The following SLC2A9 variants were observed in gnomAD, a reference collection of about 807,000 sequenced individuals.
SLC2A9 encodes solute carrier family 2, facilitated glucose transporter member 9.
A neutral mutation model predicts 50.6 loss-of-function variants in SLC2A9; 39 were observed. That is an observed-to-expected ratio of 0.77 (90% confidence interval 0.60 to 1.01). The LOEUF (loss-of-function observed/expected upper bound fraction) is 1.01. SLC2A9 is among the 50% of genes least tolerant of loss of function. The pLI is 0.00. For missense variants in SLC2A9, 686 were observed against 677.6 expected (o/e 1.01, Z -0.14); for synonymous variants, 324 against 276.9 (o/e 1.17, Z -1.69).
chr4:9,944,273 T>C (rs1275084447), intron 5 of SLC2A9, among the ~76,000 whole-genome samples: 1 of 152,230 alleles, frequency 6.6e-6, no homozygotes, highest in Non-Finnish European at 1.5e-5. Context: ...CTCTTGGACT[T>C]GGCTTGAGGA....
At chr4:9,821,229 T>G (rs1724356589), downstream of SLC2A9, among the ~76,000 whole-genome samples, 1 of 152,222 alleles carries the variant, frequency 6.6e-6, no homozygotes, top group Non-Finnish European at 1.5e-5. Flanking sequence ...GGGGATTAAA[T>G]TGACTGATTT....
At chr4:9,860,211 C>T (rs1257340507) in intron 10 of SLC2A9, among the ~76,000 whole-genome samples, 1 of 152,184 alleles carries the variant, frequency 6.6e-6, no homozygotes, top group African/African-American at 2.4e-5. Context: ...AAAAATGACT[C>T]AACTTTTTCA....
At chr4:9,906,192 AC>A (rs1478457367) in intron 8 of SLC2A9, among the ~76,000 whole-genome samples, 1 of 152,228 alleles carries the variant, frequency 6.6e-6, no homozygotes, top group African/African-American at 2.4e-5. Context: ...AAACTGAGTC[AC>A]AGAGATGCTG....
At chr4:9,895,642 T>C (rs1171677486) in intron 8 of SLC2A9, among the ~76,000 whole-genome samples, 3 of 152,188 alleles carry the variant, frequency 2.0e-5, no homozygotes, top group South Asian at 2.1e-4. Flanking sequence ...TCTGGTGAAA[T>C]AATAATGGGA....
chr4:9,841,212 T>C (rs1381650110), intron 10 of SLC2A9, among the ~76,000 whole-genome samples: 2 of 152,188 alleles, frequency 1.3e-5, no homozygotes, highest in African/African-American at 4.8e-5. Context: ...TTTGAAAATG[T>C]CTTATTTTCT....
rs755325843 is a variant in SLC2A9, at chr4:9,890,701, A to G, written c.1124T>C (p.Ile375Thr). The change falls in exon 9 of 12, where the codon ATT (isoleucine) becomes ACT (threonine). Residue 375 changes from isoleucine (I) to threonine (T), a missense_variant. Physicochemically the swap from Ile to Thr is moderately conservative, Grantham distance 89. Coordinates refer to ENST00000264784, the MANE Select transcript of SLC2A9 (RefSeq NM_020041.3). ...TLAAVFSGLV[I>T]EHLGRRPLLI... ...GAGGGGTCTCCGTCCCAGGTGCTCA[A>G]TGACCAAACCCTAGTCCAGGGTAAA... 21 of 1,613,926 alleles carry G rather than the reference A, an allele frequency of 1.3e-5. No homozygotes were observed. The highest frequency in any genetic ancestry group is 1.8e-5 in the Non-Finnish European group (21 of 1,179,954).
intron 2 of SLC2A9, among the ~76,000 whole-genome samples, chr4:10,002,809 C>T (rs950632416): frequency 6.6e-6 from 1 of 152,104 alleles, no homozygotes. Context: ...GCCAAGATTG[C>T]GCCACTGCAC....
intron 3 of SLC2A9, among the ~76,000 whole-genome samples, chr4:9,818,792 C>T (rs1453340011): frequency 2.6e-5 from 4 of 152,110 alleles, no homozygotes; most frequent in African/African-American, 9.7e-5. Flanking sequence ...TGGTCTAGCC[C>T]TTGTGAGTGT....
intron 2 of SLC2A9, among the ~76,000 whole-genome samples, chr4:10,014,102 TG>T (rs1762216811): frequency 6.6e-6 from 1 of 152,156 alleles, no homozygotes; most frequent in African/African-American, 2.4e-5. Context: ...CTGCCAGGCT[TG>T]GGTCCTTCCA....
At chr4:9,863,097 C>A (rs940645496) in intron 10 of SLC2A9, among the ~76,000 whole-genome samples, 3 of 151,952 alleles carry the variant, frequency 2.0e-5, no homozygotes, top group African/African-American at 7.3e-5. Context: ...TCTGACTCTA[C>A]TTCTGTGTCA....
intron 5 of SLC2A9, among the ~76,000 whole-genome samples, chr4:9,963,411 C>T (rs1752581059): frequency 6.6e-6 from 1 of 152,196 alleles, no homozygotes; most frequent in African/African-American, 2.4e-5. Flanking sequence ...GAAATGTGTA[C>T]CTTCCCTCCA....
intron 7 of SLC2A9, among the ~76,000 whole-genome samples, chr4:9,910,725 C>T (rs376641818): frequency 5.9e-5 from 9 of 152,174 alleles, no homozygotes; most frequent in Non-Finnish European, 1.3e-4. Flanking sequence ...CTCACAACCC[C>T]GTCTTCCCTG....
intron 5 of SLC2A9, among the ~76,000 whole-genome samples, chr4:9,947,787 C>T (rs1450652280): frequency 6.6e-6 from 1 of 152,126 alleles, no homozygotes; most frequent in Non-Finnish European, 1.5e-5. Flanking sequence ...TAGCCCAGAG[C>T]CTGGCAACAT....
intron 8 of SLC2A9, among the ~76,000 whole-genome samples, chr4:9,896,446 T>C (rs1361985371): frequency 6.6e-6 from 1 of 152,222 alleles, no homozygotes; most frequent in Non-Finnish European, 1.5e-5. Flanking sequence ...CATTTTCAAG[T>C]GGGCAGTTGG....
chr4:9,874,236 C>A (rs751423729), intron 10 of SLC2A9, among the ~76,000 whole-genome samples: 4 of 141,440 alleles, frequency 2.8e-5, no homozygotes, highest in Non-Finnish European at 6.1e-5. Context: ...GCTCAAATGG[C>A]ACTTTTGCTA....
downstream of SLC2A9, among the ~76,000 whole-genome samples, chr4:9,796,557 C>A (rs1720620686): frequency 6.6e-6 from 1 of 152,162 alleles, no homozygotes; most frequent in Non-Finnish European, 1.5e-5. Flanking sequence ...GTTGTTAGTA[C>A]TCAATTAACT....
chr4:10,036,873 C>T (rs1040786486), intron 1 of SLC2A9, among the ~76,000 whole-genome samples: 7 of 152,178 alleles, frequency 4.6e-5, no homozygotes, highest in South Asian at 2.1e-4. Context: ...GATTCTAGTC[C>T]GGGATTTCCA....
chr4:9,962,842 T>C (rs1342422063), intron 5 of SLC2A9, among the ~76,000 whole-genome samples: 2 of 152,234 alleles, frequency 1.3e-5, no homozygotes, highest in Non-Finnish European at 2.9e-5. Context: ...TTGTCACCTC[T>C]GGCACTCTTA....
chr4:9,870,925 T>A (rs1348911152), intron 10 of SLC2A9, among the ~76,000 whole-genome samples: 4 of 152,108 alleles, frequency 2.6e-5, no homozygotes, highest in African/African-American at 9.7e-5. Context: ...AGGAAGATTT[T>A]TTTGGGGGGT....
Sources: allele counts gnomAD v4.1 joint callset (sites outside exome capture counted in the v4.1 genomes callset), GRCh38; gene constraint gnomAD v4.1.1; transcripts MANE v1.5; gene names NCBI Gene and HGNC (gene_info 2026-07-23, HGNC 2026-07-21).